The following RASGRF1 variants were observed in gnomAD, a reference collection of about 807,000 sequenced individuals.
The protein encoded by RASGRF1 is Ras protein specific guanine nucleotide releasing factor 1, also known as ras-specific guanine nucleotide-releasing factor 1.
In RASGRF1, 40 loss-of-function variants were observed where a neutral mutation model predicts 138.7. The observed-to-expected ratio is 0.29, with a 90% CI of 0.22 to 0.38. The LOEUF (loss-of-function observed/expected upper bound fraction) is 0.38, where lower values mean the gene tolerates loss of function less well. RASGRF1 is among the 10% of genes least tolerant of loss of function. The pLI is 1.00. For missense variants in RASGRF1, 1,108 were observed against 1,650.4 expected (o/e 0.67, Z 5.69); for synonymous variants, 614 against 663.2 (o/e 0.93, Z 1.14).
At chr15:79,056,605 G>GATCCTAT (rs1429971428) in intron 3 of RASGRF1, among the ~76,000 whole-genome samples, 3 of 152,322 alleles carry the variant, frequency 2.0e-5, no homozygotes, top group Non-Finnish European at 4.4e-5. Flanking sequence ...CCTGTGAAAT[G>GATCCTAT]CAGGTGACTG....
rs576519791 is a variant in RASGRF1, at chr15:79,050,984, A to G, written c.532-1396T>C. On this transcript the variant is annotated intron_variant, in intron 3 of 26. Transcript: ENST00000558480. This position sits in a 1 kb window ranked among gnomAD's most constrained non-coding sequence, Gnocchi z 4.1. ...TAGCGCAAGGTTGGGCACTCAACAC[A>G]TTCTTGTTGTCTACACAAATAAGTG... 6.6e-6 allele frequency among the ~76,000 whole-genome samples: 1 copy of G among 152,252 alleles called. No homozygotes were observed. Among genetic ancestry groups the G allele is most frequent in the African/African-American group, 2.4e-5 (1 of 41,472 alleles).
At position 79,032,281 on chromosome 15, in the gene RASGRF1, T is replaced by C. The variant is rs1186274445; in HGVS notation, c.994A>G (p.Ile332Val). The change falls in exon 7 of 27, where the codon ATC becomes GTC. Residue 332 changes from isoleucine to valine, a missense_variant. This residue lies in a region of RASGRF1 where 169 missense variants were observed against 344.2 expected (regional missense o/e 0.49). Coordinates refer to ENST00000558480, the MANE Select transcript of RASGRF1 (RefSeq NM_001145648.3). This position sits in a 1 kb window ranked among gnomAD's most constrained non-coding sequence, Gnocchi z 4.5. ...TGGTTGCGGACGAACTCTTGGTAGA[T>C]GTTGAGCATGGGCAGCAGGATGTCA... ...LFDILLPMLNIYQEFVRNHQY... is the reference protein window; with the variant it reads ...LFDILLPMLNVYQEFVRNHQY... The C allele has an allele frequency of 6.2e-7, 1 of 1,613,942 alleles. No homozygotes were observed. Among genetic ancestry groups the C allele is most frequent in the South Asian group, 1.1e-5 (1 of 91,072 alleles).
At position 79,020,075 on chromosome 15, in the gene RASGRF1, A is replaced by G; in HGVS notation, c.1572T>C (p.Thr524=). 6.2e-7 allele frequency: 1 copy of G among 1,614,156 alleles called. No individual in the cohort carries two copies. The highest frequency in any genetic ancestry group is 1.1e-5 in the South Asian group (1 of 91,086). The part of the protein sequence containing the change: ...KNGVISLIDC[T]LLEEPESTEE... ...CCGTGCTTTCTGGCTCCTCCAATAA[A>G]GTGCAGTCAATGAGGGATATGACTC... The change falls in exon 11 of 27, where the codon ACT becomes ACC. Residue 524 remains threonine (T), a synonymous_variant. Transcript: ENST00000558480.
intron 3 of RASGRF1, among the ~76,000 whole-genome samples, chr15:79,056,833 C>T (rs886159719): frequency 6.6e-6 from 1 of 152,098 alleles, no homozygotes; most frequent in Non-Finnish European, 1.5e-5. Flanking sequence ...TGTGATGGGG[C>T]CCTATGCTCA....
At chr15:79,074,999 T>C (rs1227464381) in intron 1 of RASGRF1, among the ~76,000 whole-genome samples, 1 of 152,154 alleles carries the variant, frequency 6.6e-6, no homozygotes, top group African/African-American at 2.4e-5. Context: ...CCACAATGAT[T>C]CCAAGGCCTT....
At chr15:78,983,379 C>G (rs2056078312) in intron 23 of RASGRF1, among the ~76,000 whole-genome samples, 1 of 152,174 alleles carries the variant, frequency 6.6e-6, no homozygotes, top group Non-Finnish European at 1.5e-5. Flanking sequence ...AATCACATGC[C>G]CTGACCACTG....
At chr15:79,059,871 T>C (rs1286134515) in intron 2 of RASGRF1, among the ~76,000 whole-genome samples, 5 of 152,154 alleles carry the variant, frequency 3.3e-5, no homozygotes, top group Non-Finnish European at 5.9e-5. Context: ...GTATCTATTA[T>C]GTATATGTAA....
intron 6 of RASGRF1, among the ~76,000 whole-genome samples, chr15:79,034,341 T>C (rs2057188529): frequency 6.6e-6 from 1 of 150,724 alleles, no homozygotes; most frequent in African/African-American, 2.4e-5. Context: ...TGCAGGAGGT[T>C]CTTCTGTCTG....
At chr15:78,995,187 C>G (rs1595881119) in intron 20 of RASGRF1, among the ~76,000 whole-genome samples, 1 of 152,246 alleles carries the variant, frequency 6.6e-6, no homozygotes, top group East Asian at 1.9e-4. Context: ...CCTCAGCCTC[C>G]CAAAGTGCTA....
chr15:79,058,055 A>AT (rs1354176031), intron 3 of RASGRF1, among the ~76,000 whole-genome samples: 1 of 152,236 alleles, frequency 6.6e-6, no homozygotes, highest in East Asian at 1.9e-4. Flanking sequence ...AGGTGTTTAT[A>AT]GAAAGCCCTG....
Position 79,087,846 on chromosome 15 carries a change from T to C in RASGRF1, c.276+2377A>G, listed in dbSNP as rs59245008. On this transcript the variant is annotated intron_variant, in intron 1 of 26. Transcript: ENST00000558480. Reference sequence around the variant, plus strand: ...GGCAAATGGAACCTATATAAACATATGTGATTTAAGTATGAGTCTTTAACA... The same window carrying C: ...GGCAAATGGAACCTATATAAACATACGTGATTTAAGTATGAGTCTTTAACA... Among the ~76,000 whole-genome samples, 1,021 of 152,298 alleles carry C rather than the reference T, an allele frequency of 6.7e-3. 13 individuals are homozygous for C. The highest frequency in any genetic ancestry group is 0.023 in the African/African-American group (975 of 41,574).
intron 10 of RASGRF1, among the ~76,000 whole-genome samples, chr15:79,024,504 C>G (rs1038184531): frequency 2.0e-5 from 3 of 152,104 alleles, no homozygotes; most frequent in Non-Finnish European, 2.9e-5. Flanking sequence ...TGTCCCCACC[C>G]AAATCTCATC....
intron 1 of RASGRF1, among the ~76,000 whole-genome samples, chr15:79,065,099 T>C (rs2057659943): frequency 6.6e-6 from 1 of 152,192 alleles, no homozygotes; most frequent in South Asian, 2.1e-4. Context: ...TAGACACCCA[T>C]CTGCAATACT....
chr15:79,046,054 G>C lies in RASGRF1; in HGVS notation c.878+692C>G, dbSNP rs2057350519. ...AACCATTTCCTTTTAAAAAGAAGTT[G>C]ACAGCAGAAGAGCAGCCGTCAGCAC... On this transcript the variant is annotated intron_variant, in intron 5 of 26. Transcript: ENST00000558480. The surrounding 1 kb of genome is among the most constrained non-coding windows in gnomAD (Gnocchi z 5.3). Among the ~76,000 whole-genome samples, 1 of 152,140 alleles carries C rather than the reference G, an allele frequency of 6.6e-6. No homozygotes were observed. Among genetic ancestry groups the C allele is most frequent in the South Asian group, 2.1e-4 (1 of 4,832 alleles).
At chr15:79,039,836 C>T (rs1443795247) in intron 5 of RASGRF1, among the ~76,000 whole-genome samples, 1 of 150,952 alleles carries the variant, frequency 6.6e-6, no homozygotes, top group Non-Finnish European at 1.5e-5. Context: ...GTGGTGTGAT[C>T]TCGGCTCACT....
At chr15:79,041,187 A>AT (rs1399637997) in intron 5 of RASGRF1, among the ~76,000 whole-genome samples, 2 of 152,238 alleles carry the variant, frequency 1.3e-5, no homozygotes, top group Non-Finnish European at 2.9e-5. Context: ...GAAAAGTTTT[A>AT]TTGTAATATA....
At chr15:78,967,544 G>T (rs899105809) in intron 26 of RASGRF1, among the ~76,000 whole-genome samples, 24 of 152,000 alleles carry the variant, frequency 1.6e-4, no homozygotes, top group African/African-American at 5.1e-4. Context: ...GTGAGATCCT[G>T]TTTCAAAAAA....
At chr15:78,992,009 G>A (rs1485788876) in intron 20 of RASGRF1, among the ~76,000 whole-genome samples, 1 of 152,214 alleles carries the variant, frequency 6.6e-6, no homozygotes, top group African/African-American at 2.4e-5. Flanking sequence ...GCCCTGTTGT[G>A]CCGGTGTGTG....
chr15:79,040,651 TAG>T (rs112675333), intron 5 of RASGRF1, among the ~76,000 whole-genome samples: 27 of 150,782 alleles, frequency 1.8e-4, no homozygotes, highest in African/African-American at 5.6e-4. Flanking sequence ...GAGCGAGAGC[TAG>T]AGAGAGAGAG....
Sources: allele counts gnomAD v4.1 joint callset (sites outside exome capture counted in the v4.1 genomes callset), GRCh38; gene constraint gnomAD v4.1.1; regional missense constraint gnomAD v4.1.1; non-coding constraint Gnocchi (gnomAD v3.1); transcripts MANE v1.5; gene names NCBI Gene and HGNC (gene_info 2026-07-23, HGNC 2026-07-21).